Variants in TOX observed in about 807,000 individuals in gnomAD.
TOX encodes the protein thymocyte selection-associated high mobility group box protein TOX.
In TOX, 11 loss-of-function variants were observed where a neutral mutation model predicts 53.7. The ratio of observed to expected loss-of-function variants is 0.20; its 90% CI spans 0.13 to 0.34. The LOEUF (loss-of-function observed/expected upper bound fraction) is 0.34. Among genes scored for constraint, TOX ranks in the 10% least tolerant of loss-of-function variants. The pLI is 1.00. For synonymous variants in TOX, 225 were observed against 245.3 expected, an observed-to-expected ratio of 0.92 and a Z score of 0.77; for missense variants, 570 against 664.6, an observed-to-expected ratio of 0.86 and a Z score of 1.56.
At chr8:59,016,391 T>C (rs1216701761) in intron 1 of TOX, among the ~76,000 whole-genome samples, 2 of 152,300 alleles carry the variant, frequency 1.3e-5, no homozygotes, top group East Asian at 1.9e-4. Flanking sequence ...CTGTTTAAAA[T>C]TGTGACTCAT....
intron 1 of TOX, among the ~76,000 whole-genome samples, chr8:59,028,590 T>TAC (rs1563423119): frequency 1.3e-5 from 2 of 151,400 alleles, no homozygotes; most frequent in Non-Finnish European, 2.9e-5. Flanking sequence ...TACATACATA[T>TAC]ATAGATATTG....
At chr8:59,048,978 T>A (rs1052419329) in intron 1 of TOX, among the ~76,000 whole-genome samples, 2 of 152,180 alleles carry the variant, frequency 1.3e-5, no homozygotes, top group Non-Finnish European at 2.9e-5. Context: ...TCAAATTTAC[T>A]CAAAGACATT....
intron 1 of TOX, among the ~76,000 whole-genome samples, chr8:59,009,794 C>A (rs1382901705): frequency 6.6e-6 from 1 of 152,192 alleles, no homozygotes; most frequent in African/African-American, 2.4e-5. Context: ...TCAAAGCAAT[C>A]CAATAAAAAG....
intron 2 of TOX, among the ~76,000 whole-genome samples, chr8:58,958,845 G>A (rs1159181126): frequency 6.6e-6 from 1 of 152,192 alleles, no homozygotes; most frequent in Non-Finnish European, 1.5e-5. Context: ...AGTTCAGGGA[G>A]ATGCAGGCCT....
chr8:58,861,231 G>A (rs1811004666), intron 3 of TOX, among the ~76,000 whole-genome samples: 1 of 152,240 alleles, frequency 6.6e-6, no homozygotes, highest in Non-Finnish European at 1.5e-5. Flanking sequence ...GGACATGAGA[G>A]GCTCACGGAC....
At chr8:58,859,202 G>T (rs1292440793) in intron 3 of TOX, among the ~76,000 whole-genome samples, 1 of 152,020 alleles carries the variant, frequency 6.6e-6, no homozygotes, top group South Asian at 2.1e-4. Context: ...TCAATTAGTT[G>T]CACTGAACAC....
At chr8:58,829,040 G>T (rs1483518487) in intron 5 of TOX, among the ~76,000 whole-genome samples, 1 of 152,104 alleles carries the variant, frequency 6.6e-6, no homozygotes, top group Non-Finnish European at 1.5e-5. Flanking sequence ...AATGCACTTT[G>T]GTTCATAGCA....
At chr8:59,015,767 A>G (rs1350902494) in intron 1 of TOX, among the ~76,000 whole-genome samples, 1 of 152,226 alleles carries the variant, frequency 6.6e-6, no homozygotes, top group Non-Finnish European at 1.5e-5. Context: ...TAGGAAAACA[A>G]TAAAAAATCA....
At chr8:58,860,188 T>C (rs528911812) in intron 3 of TOX, among the ~76,000 whole-genome samples, 2 of 152,326 alleles carry the variant, frequency 1.3e-5, no homozygotes. Flanking sequence ...TAGCTGCCAC[T>C]GTTTCTAATG....
At chr8:59,075,711 A>G (rs565417035) in intron 1 of TOX, among the ~76,000 whole-genome samples, 10 of 152,344 alleles carry the variant, frequency 6.6e-5, no homozygotes, top group African/African-American at 2.4e-4. Flanking sequence ...CAGCACAGTC[A>G]TAGCTAAAAC....
At chr8:58,860,622 C>T (rs1160462210) in intron 3 of TOX, among the ~76,000 whole-genome samples, 1 of 152,166 alleles carries the variant, frequency 6.6e-6, no homozygotes, top group African/African-American at 2.4e-5. Context: ...CCCTGGTGAG[C>T]CACTGACACA....
At chr8:58,816,724 G>T (rs895084760) in intron 6 of TOX, among the ~76,000 whole-genome samples, 3 of 152,146 alleles carry the variant, frequency 2.0e-5, no homozygotes, top group African/African-American at 7.2e-5. Context: ...TGCTTATTCA[G>T]CTTTCAAGTC....
intron 1 of TOX, among the ~76,000 whole-genome samples, chr8:59,028,920 G>C (rs568423147): frequency 6.6e-6 from 1 of 152,156 alleles, no homozygotes; most frequent in East Asian, 1.9e-4. Context: ...TTTTTGGCTT[G>C]ATTAGTCAAT....
At chr8:58,977,582 T>C (rs1489630123) in intron 1 of TOX, among the ~76,000 whole-genome samples, 2 of 152,244 alleles carry the variant, frequency 1.3e-5, no homozygotes, top group Admixed American at 6.5e-5. Flanking sequence ...ATGCCTTCTT[T>C]ATAAGCTTAA....
intron 3 of TOX, among the ~76,000 whole-genome samples, chr8:58,861,040 T>C (rs1811002118): frequency 6.6e-6 from 1 of 152,188 alleles, no homozygotes; most frequent in African/African-American, 2.4e-5. Context: ...ATGCCATTTG[T>C]TTCCTGCTGT....
chr8:58,920,465 C>A (rs1464263638), intron 3 of TOX, among the ~76,000 whole-genome samples: 1 of 61,436 alleles, frequency 1.6e-5, no homozygotes, highest in African/African-American at 6.4e-5. Context: ...GAACAAAAAA[C>A]CAAACACCGC....
chr8:59,084,335 G>A (rs1804471184), intron 1 of TOX, among the ~76,000 whole-genome samples: 1 of 151,878 alleles, frequency 6.6e-6, no homozygotes, highest in East Asian at 1.9e-4. Context: ...TTACTTTTTA[G>A]AAAAATAAGG....
intron 1 of TOX, among the ~76,000 whole-genome samples, chr8:59,001,969 CTTTT>C (rs1182278313): frequency 1.7e-4 from 20 of 114,624 alleles, no homozygotes; most frequent in Admixed American, 9.2e-4. Flanking sequence ...TACAGAAGTA[CTTTT>C]TTTTTTTTTT....
intron 1 of TOX, among the ~76,000 whole-genome samples, chr8:59,027,101 C>A (rs1814257660): frequency 6.6e-6 from 1 of 152,126 alleles, no homozygotes; most frequent in Admixed American, 6.5e-5. Flanking sequence ...CTACCACCTG[C>A]TAGAGAAACA....
Sources: gnomAD v4.1 joint callset for allele counts (sites outside exome capture counted in the v4.1 genomes callset) on GRCh38, gnomAD v4.1.1 for gene constraint, MANE v1.5 for transcripts, NCBI Gene and HGNC (gene_info 2026-07-23, HGNC 2026-07-21) for gene names.